Variants in WDFY4 observed in about 807,000 individuals in gnomAD.
WDFY4 encodes the protein WD repeat- and FYVE domain-containing protein 4.
WDFY4 carries 169 observed loss-of-function variants against 351.9 expected under a neutral mutation model. The ratio of observed to expected loss-of-function variants is 0.48; its 90% CI spans 0.42 to 0.55. The LOEUF (loss-of-function observed/expected upper bound fraction) is 0.55, where lower values mean the gene tolerates loss of function less well. Ranked by LOEUF, WDFY4 falls within the 20% of genes least tolerant of loss-of-function variation. The pLI is 0.00. For missense variants in WDFY4, 3,803 were observed against 3,935.6 expected, an observed-to-expected ratio of 0.97 and a Z score of 0.90; for synonymous variants, 1,622 against 1,574.6, an observed-to-expected ratio of 1.03 and a Z score of -0.71.
intron 5 of WDFY4, among the ~76,000 whole-genome samples, chr10:48,725,081 C>G (rs1257014645): frequency 5.3e-5 from 8 of 152,130 alleles, no homozygotes; most frequent in Non-Finnish European, 8.8e-5. Flanking sequence ...AATGGCAATG[C>G]AAGCCCAGGG....
chr10:48,938,716 G>T (rs1353752095), intron 47 of WDFY4, among the ~76,000 whole-genome samples: 5 of 151,866 alleles, frequency 3.3e-5, no homozygotes, highest in African/African-American at 4.9e-5. Context: ...AAGCTCGTCT[G>T]GGGGGGTAAA....
At chr10:48,804,551 A>G (rs1045430465) in intron 25 of WDFY4, among the ~76,000 whole-genome samples, 8 of 129,378 alleles carry the variant, frequency 6.2e-5, no homozygotes, top group Non-Finnish European at 9.5e-5. Context: ...GCAGAATTTA[A>G]TGTGTTAATA....
intron 47 of WDFY4, among the ~76,000 whole-genome samples, chr10:48,920,258 T>C (rs1308371458): frequency 6.7e-6 from 1 of 150,018 alleles, no homozygotes; most frequent in Non-Finnish European, 1.5e-5. Flanking sequence ...ACAAAAAAGC[T>C]AGAGCGGACA....
At chr10:48,804,830 G>C (rs2067199899) in intron 25 of WDFY4, 1 of 970,172 alleles carries the variant, frequency 1.0e-6, no homozygotes, top group Non-Finnish European at 1.2e-6. Flanking sequence ...TCAGTGGCGT[G>C]TCTCTCCACT....
At chr10:48,875,904 C>T (rs1276083422) in intron 42 of WDFY4, among the ~76,000 whole-genome samples, 1 of 152,222 alleles carries the variant, frequency 6.6e-6, no homozygotes, top group African/African-American at 2.4e-5. Context: ...CTGTTTGCCT[C>T]TCGTCTCTCC....
At position 48,815,819 on chromosome 10, in the gene WDFY4, C is replaced by T. The variant is rs965454360; in HGVS notation, c.5341-1426C>T. On this transcript the variant is annotated intron_variant, in intron 31 of 61. Coordinates refer to ENST00000325239, the MANE Select transcript of WDFY4 (RefSeq NM_001394531.1). ...TTCTTTCAAAGACCTCATTTAGTCA[C>T]TCTGTCCTTATTCTGTTTGTATTTT... is the stretch of plus-strand genomic sequence containing the variant. 2.0e-5 allele frequency among the ~76,000 whole-genome samples: 3 copies of T among 151,960 alleles called. No individual in the cohort carries two copies. In the East Asian group the frequency reaches 5.8e-4, roughly 29 times the overall value.
At chr10:48,710,588 G>A (rs1454505299) in intron 2 of WDFY4, among the ~76,000 whole-genome samples, 2 of 152,190 alleles carry the variant, frequency 1.3e-5, no homozygotes, top group Non-Finnish European at 2.9e-5. Flanking sequence ...AATAAGACCA[G>A]CTTCTTTGGG....
rs552020763 is a variant in WDFY4, at chr10:48,853,623, G to A, written c.6664-13642G>A. Among the ~76,000 whole-genome samples, 8 of 152,164 alleles carry A rather than the reference G, an allele frequency of 5.3e-5. No homozygotes were observed. The South Asian group carries it at 1.2e-3, about 24-fold the overall frequency. ...TTCTCCAAATTACAGTTGGTATAAG[G>A]TATCAAAAATATTAAATCAAAAAAT... On this transcript the variant is annotated intron_variant, in intron 39 of 61. Coordinates refer to ENST00000325239, the MANE Select transcript of WDFY4 (RefSeq NM_001394531.1).
At chr10:48,817,001 G>C (rs951779646) in intron 31 of WDFY4, among the ~76,000 whole-genome samples, 3 of 152,214 alleles carry the variant, frequency 2.0e-5, no homozygotes, top group Admixed American at 6.5e-5. Flanking sequence ...GGTAAACATA[G>C]AACCTACTTC....
chr10:48,788,600 C>A lies in WDFY4; in HGVS notation c.3879C>A (p.Ala1293=). The change falls in exon 21 of 62, where the codon GCC becomes GCA. Residue 1293 remains alanine (A), a synonymous_variant. Transcript: ENST00000325239. ...GAGTTTCTTTTGGACTTCACATAGC[C>A]AGCTCCTCTATCACCAGTGTAGCGG... The part of the protein sequence containing the change: ...EERVSFGLHI[A]SSSITSVADI... 6.4e-7 allele frequency: 1 copy of A among 1,551,840 alleles called. No individual in the cohort carries two copies. The highest frequency in any genetic ancestry group is 8.7e-7 in the Non-Finnish European group (1 of 1,147,010).
chr10:48,941,917 T>C, intron 48 of WDFY4, 69 bp downstream of exon 48: 1 of 1,451,974 alleles, frequency 6.9e-7, no homozygotes, highest in Non-Finnish European at 9.5e-7. Context: ...GCCCCAGCGA[T>C]GGAGAGGAAG....
At chr10:48,751,513 C>T (rs960171966) in intron 12 of WDFY4, among the ~76,000 whole-genome samples, 5 of 152,258 alleles carry the variant, frequency 3.3e-5, no homozygotes, top group South Asian at 2.1e-4. Flanking sequence ...CTATTTAGGA[C>T]GTAACTTTGC....
chr10:48,910,118 G>A (rs1007680544), intron 47 of WDFY4: 13 of 959,502 alleles, frequency 1.4e-5, no homozygotes, highest in African/African-American at 8.0e-5. Context: ...CAGCTCCGGC[G>A]AGCCTGGTTT....
At chr10:48,889,827 C>T (rs2070619228) in intron 43 of WDFY4, among the ~76,000 whole-genome samples, 1 of 152,196 alleles carries the variant, frequency 6.6e-6, no homozygotes, top group Admixed American at 6.5e-5. Context: ...TCAGCTGATT[C>T]CAGAGCAGCT....
intron 47 of WDFY4, chr10:48,913,473 G>C: frequency 6.3e-7 from 1 of 1,590,446 alleles, no homozygotes; most frequent in Non-Finnish European, 8.6e-7. Flanking sequence ...TGTCGTCGTG[G>C]CCATGTTCTT....
chr10:48,711,248 A>G (rs1001318022), intron 2 of WDFY4, among the ~76,000 whole-genome samples: 2 of 152,218 alleles, frequency 1.3e-5, no homozygotes, highest in African/African-American at 2.4e-5. Context: ...CTGTCCATTA[A>G]TTCATCATTT....
intron 1 of WDFY4, among the ~76,000 whole-genome samples, chr10:48,704,123 A>G (rs954112738): frequency 1.3e-5 from 2 of 151,420 alleles, no homozygotes; most frequent in African/African-American, 4.9e-5. Flanking sequence ...GCTTCTCACT[A>G]TGCTGGACCT....
intron 12 of WDFY4, among the ~76,000 whole-genome samples, chr10:48,757,576 T>C (rs1426073223): frequency 1.3e-5 from 2 of 152,056 alleles, no homozygotes; most frequent in Non-Finnish European, 2.9e-5. Context: ...CTATCAGTTT[T>C]TAATGTGTTT....
rs1322098040 is a variant in WDFY4 at position 48,794,511 on chromosome 10, C to T, written c.4258-1787C>T. Among the ~76,000 whole-genome samples the T allele has an allele frequency of 2.6e-5, 4 of 152,008 alleles. No individual in the cohort carries two copies. In the East Asian group the frequency reaches 7.8e-4, roughly 29 times the overall value. ...GAGGTGTAAATATGAGGGTCATCGC[C>T]ACCATGATGATATTTAATCTAAGGA... is the stretch of plus-strand genomic sequence containing the variant. On this transcript the variant is annotated intron_variant, in intron 23 of 61. Transcript: ENST00000325239.
Sources: allele counts gnomAD v4.1 joint callset (sites outside exome capture counted in the v4.1 genomes callset), GRCh38; gene constraint gnomAD v4.1.1; transcripts MANE v1.5; gene names NCBI Gene and HGNC (gene_info 2026-07-23, HGNC 2026-07-21).